Variants in ROBO2 observed in about 807,000 individuals in gnomAD.
ROBO2 encodes roundabout homolog 2.
Under a neutral mutation model 160.8 loss-of-function variants are expected in ROBO2, and 53 were observed. The observed-to-expected ratio is 0.33, with a 90% CI of 0.26 to 0.41. The LOEUF (loss-of-function observed/expected upper bound fraction) is 0.41. Among genes scored for constraint, ROBO2 ranks in the 10% least tolerant of loss-of-function variants. The pLI is 1.00. For synonymous variants in ROBO2, 664 were observed against 611.7 expected (o/e 1.09, Z -1.26); for missense variants, 1,577 against 1,722.4 (o/e 0.92, Z 1.49).
intron 2 of ROBO2, among the ~76,000 whole-genome samples, chr3:76,853,035 A>G (rs866116615): frequency 1.3e-5 from 2 of 152,188 alleles, no homozygotes; most frequent in South Asian, 4.1e-4. Context: ...GATTGGATGT[A>G]TGTTGTGATT....
At chr3:76,127,199 A>G (rs923908427) in intron 2 of ROBO2, among the ~76,000 whole-genome samples, 2 of 152,156 alleles carry the variant, frequency 1.3e-5, no homozygotes, top group African/African-American at 4.8e-5. Flanking sequence ...ACCAATTTAC[A>G]TCAACCACAA....
intron 2 of ROBO2, among the ~76,000 whole-genome samples, chr3:76,748,332 G>T (rs1476094241): frequency 6.6e-6 from 1 of 151,504 alleles, no homozygotes; most frequent in Non-Finnish European, 1.5e-5. Context: ...GAAAAGTAAT[G>T]ATTAATATTA....
At chr3:77,641,775 A>G (rs944734754) in intron 24 of ROBO2, among the ~76,000 whole-genome samples, 6 of 152,330 alleles carry the variant, frequency 3.9e-5, no homozygotes, top group African/African-American at 1.4e-4. Context: ...TAAAAGAGAA[A>G]GAAAGAACTG....
intron 2 of ROBO2, among the ~76,000 whole-genome samples, chr3:76,753,693 A>T (rs557329909): frequency 7.2e-4 from 110 of 152,018 alleles, no homozygotes; most frequent in African/African-American, 2.5e-3. Flanking sequence ...ATTGCTATTT[A>T]AAAAGACAGA....
intron 2 of ROBO2, among the ~76,000 whole-genome samples, chr3:75,965,342 T>G (rs1408499671): frequency 6.6e-6 from 1 of 151,900 alleles, no homozygotes; most frequent in South Asian, 2.1e-4. Context: ...CCCCGCACTT[T>G]AGTGACTGAT....
chr3:77,206,215 G>A (rs997855276), intron 2 of ROBO2, among the ~76,000 whole-genome samples: 12 of 151,672 alleles, frequency 7.9e-5, no homozygotes, highest in African/African-American at 2.9e-4. Flanking sequence ...TGTTGCTCAG[G>A]CTAGAGTGCA....
intron 2 of ROBO2, among the ~76,000 whole-genome samples, chr3:76,155,589 G>A (rs770443784): frequency 1.6e-4 from 25 of 152,196 alleles, no homozygotes; most frequent in Admixed American, 9.8e-4. Flanking sequence ...GGGAGAGGAG[G>A]AGATGTGATT....
At chr3:77,466,647 G>A (rs563324055) in intron 2 of ROBO2, among the ~76,000 whole-genome samples, 2 of 152,218 alleles carry the variant, frequency 1.3e-5, no homozygotes, top group East Asian at 1.9e-4. Flanking sequence ...CGGGTAGAGG[G>A]GAAAGAAAAG....
chr3:77,434,894 A>G (rs1356587210), intron 2 of ROBO2, among the ~76,000 whole-genome samples: 1 of 152,112 alleles, frequency 6.6e-6, no homozygotes, highest in East Asian at 1.9e-4. Context: ...TATAAAATGA[A>G]GAAACAGCCA....
At position 76,518,378 on chromosome 3, in the gene ROBO2, G is replaced by A. The variant is rs191829470; in HGVS notation, c.110-579636G>A. ...GTACCTGAGATGTTTTGATACAGGC[G>A]TGCCATGTAAAATAATCACATCATG... On this transcript the variant is annotated intron_variant, in intron 2 of 26. Coordinates refer to the ROBO2 transcript ENST00000487694. Among the ~76,000 whole-genome samples, 263 of 152,116 alleles carry A rather than the reference G, an allele frequency of 1.7e-3. No homozygotes were observed. In the Middle Eastern group the frequency reaches 0.024, roughly 14 times the overall value.
rs1409881299 is a variant in ROBO2 at position 76,499,918 on chromosome 3, G to C, written c.109+562316G>C. Among the ~76,000 whole-genome samples the C allele has an allele frequency of 2.0e-5, 3 of 151,606 alleles. No individual in the cohort carries two copies. In the East Asian group the frequency reaches 5.8e-4, roughly 29 times the overall value. On this transcript the variant is annotated intron_variant, in intron 2 of 26. Transcript: ENST00000487694. ...TGTGTGCTGATATACAAATAAGTAG[G>C]GCAAATTACTAGACCTTATCAAAGA...
chr3:77,305,213 T>G (rs1401995622), intron 2 of ROBO2, among the ~76,000 whole-genome samples: 1 of 152,240 alleles, frequency 6.6e-6, no homozygotes, highest in Non-Finnish European at 1.5e-5. Flanking sequence ...TCTTCAAGTG[T>G]GGCTGTTAAA....
At chr3:75,916,430 G>A (rs1165831416) in intron 1 of ROBO2, among the ~76,000 whole-genome samples, 1 of 152,064 alleles carries the variant, frequency 6.6e-6, no homozygotes, top group Non-Finnish European at 1.5e-5. Context: ...CAACATGGCA[G>A]CTCACATGGT....
exon 23 of ROBO2, chr3:77,622,285 T>G (rs756879366): frequency 6.2e-7 from 1 of 1,614,180 alleles, no homozygotes; most frequent in Non-Finnish European, 8.5e-7. Flanking sequence ...AGGTTATGTG[T>G]CTGGAGCCTT....
In ROBO2 at chr3:76,127,118, A is replaced by G. The variant is rs571621701; in HGVS notation, c.109+189516A>G. 1.5e-4 allele frequency among the ~76,000 whole-genome samples: 23 copies of G among 152,280 alleles called. No individual in the cohort carries two copies. In the South Asian group the frequency reaches 4.8e-3, roughly 32 times the overall value. On this transcript the variant is annotated intron_variant, in intron 2 of 26. Coordinates refer to the ROBO2 transcript ENST00000487694. ...TTTTTGAAGCAAAGCTTTTCCTTAA[A>G]GATGATCCATTACTATGATTTCATA...
chr3:77,378,061 A>T (rs2072928397), intron 2 of ROBO2, among the ~76,000 whole-genome samples: 1 of 152,226 alleles, frequency 6.6e-6, no homozygotes, highest in Non-Finnish European at 1.5e-5. Flanking sequence ...TGGTGGCACC[A>T]ACTAAATCTA....
chr3:77,252,623 C>T (rs572319240), intron 2 of ROBO2, among the ~76,000 whole-genome samples: 3 of 150,542 alleles, frequency 2.0e-5, no homozygotes, highest in South Asian at 2.1e-4. Flanking sequence ...CTGGCTAACA[C>T]GGTGAAACCC....
chr3:76,284,503 T>C (rs1708412527), intron 2 of ROBO2, among the ~76,000 whole-genome samples: 1 of 152,134 alleles, frequency 6.6e-6, no homozygotes, highest in Non-Finnish European at 1.5e-5. Context: ...AATCCATTCA[T>C]TTTATGAAGT....
chr3:76,800,444 C>A (rs748505539), intron 2 of ROBO2, among the ~76,000 whole-genome samples: 2 of 151,658 alleles, frequency 1.3e-5, no homozygotes, highest in Non-Finnish European at 2.9e-5. Flanking sequence ...ACCCAGAGAA[C>A]GGAAGAAAAT....
Sources: gnomAD v4.1 joint callset for allele counts (sites outside exome capture counted in the v4.1 genomes callset) on GRCh38, gnomAD v4.1.1 for gene constraint, MANE v1.5 for transcripts, NCBI Gene and HGNC (gene_info 2026-07-23, HGNC 2026-07-21) for gene names.